The following GLIS3 variants were observed in gnomAD, a reference collection of about 807,000 sequenced individuals.
GLIS3 encodes GLIS family zinc finger 3, also known as zinc finger protein GLIS3.
Under a neutral mutation model 78.6 loss-of-function variants are expected in GLIS3, and 53 were observed. The observed-to-expected ratio is 0.67, with a 90% CI of 0.54 to 0.85. The LOEUF is 0.85. Among genes scored for constraint, GLIS3 ranks in the 40% least tolerant of loss-of-function variants. The pLI is 0.00. For missense variants in GLIS3, 1,703 were observed against 1,231.1 expected (o/e 1.38, Z -5.74); for synonymous variants, 684 against 509.9 (o/e 1.34, Z -4.60).
chr9:3,859,859 C>CTTA (rs1820066109), intron 8 of GLIS3, among the ~76,000 whole-genome samples: 2 of 152,246 alleles, frequency 1.3e-5, no homozygotes, highest in African/African-American at 4.8e-5. Context: ...AAAAGCTAAC[C>CTTA]AGATAACTGA....
chr9:4,282,286 T>C, intron 2 of GLIS3, among the ~76,000 whole-genome samples: 1 of 152,236 alleles, frequency 6.6e-6, no homozygotes, highest in African/African-American at 2.4e-5. Context: ...ACTGGGCCAC[T>C]TGGTGCCCCA....
At chr9:4,075,573 C>T (rs575868509) in intron 4 of GLIS3, among the ~76,000 whole-genome samples, 3 of 152,158 alleles carry the variant, frequency 2.0e-5, no homozygotes, top group Admixed American at 2.0e-4. Flanking sequence ...GAGACTCCGT[C>T]TCAAAACAAA....
intron 2 of GLIS3, among the ~76,000 whole-genome samples, chr9:4,241,350 C>G (rs1823292276): frequency 6.6e-6 from 1 of 152,104 alleles, no homozygotes; most frequent in African/African-American, 2.4e-5. Context: ...TTAATGAGTA[C>G]AGATATACAG....
intron 1 of GLIS3, among the ~76,000 whole-genome samples, chr9:4,347,884 G>C (rs554634911): frequency 1.3e-4 from 20 of 152,220 alleles, no homozygotes; most frequent in African/African-American, 4.8e-4. Flanking sequence ...AGCCATTCTA[G>C]TAAAGGGAAC....
At chr9:4,144,657 G>GA (rs1834072644) in intron 2 of GLIS3, among the ~76,000 whole-genome samples, 1 of 152,102 alleles carries the variant, frequency 6.6e-6, no homozygotes, top group South Asian at 2.1e-4. Flanking sequence ...TCTCTAGATG[G>GA]AAAAAGAGAA....
the GLIS3 span, among the ~76,000 whole-genome samples, chr9:4,366,505 T>C: frequency 6.6e-6 from 1 of 152,220 alleles, no homozygotes; most frequent in African/African-American, 2.4e-5. Flanking sequence ...ATAAAGACAC[T>C]GCCTCTCTGT....
chr9:3,976,639 G>C (rs1365921751), intron 4 of GLIS3, among the ~76,000 whole-genome samples: 1 of 150,578 alleles, frequency 6.6e-6, no homozygotes, highest in Non-Finnish European at 1.5e-5. Context: ...TCTCAATCAG[G>C]CCCAAGAGTA....
chr9:4,297,951 G>A (rs1428795475), intron 1 of GLIS3, among the ~76,000 whole-genome samples: 1 of 152,108 alleles, frequency 6.6e-6, no homozygotes, highest in African/African-American at 2.4e-5. Context: ...GGGCGGGTCC[G>A]GAGGCGGAGG....
upstream of GLIS3, among the ~76,000 whole-genome samples, chr9:4,348,883 C>T (rs1252381569): frequency 1.3e-5 from 2 of 152,196 alleles, no homozygotes; most frequent in African/African-American, 2.4e-5. Flanking sequence ...TGTCTATTGG[C>T]TTTGTAGAGT....
At chr9:4,333,125 T>C (rs573127524) in intron 2 of GLIS3, among the ~76,000 whole-genome samples, 6 of 152,262 alleles carry the variant, frequency 3.9e-5, no homozygotes, top group East Asian at 1.9e-4. Flanking sequence ...TGCACTCTTA[T>C]AGTCCTAGCT....
chr9:4,471,814 C>T, the GLIS3 span, among the ~76,000 whole-genome samples: 1 of 152,174 alleles, frequency 6.6e-6, no homozygotes, highest in Non-Finnish European at 1.5e-5. Context: ...TCAGAGTGAA[C>T]AGGCAACCTA....
chr9:4,393,848 C>A, the GLIS3 span, among the ~76,000 whole-genome samples: 1 of 152,042 alleles, frequency 6.6e-6, no homozygotes, highest in Non-Finnish European at 1.5e-5. Flanking sequence ...CGTTGTTAAA[C>A]ATGTAAGAAG....
At chr9:4,073,689 C>A (rs1016090320) in intron 4 of GLIS3, among the ~76,000 whole-genome samples, 1 of 152,212 alleles carries the variant, frequency 6.6e-6, no homozygotes, top group African/African-American at 2.4e-5. Context: ...ATACCACCTA[C>A]GCGGCAGTCG....
exon 4 of GLIS3, chr9:4,308,860 T>G (rs1817292572): frequency 6.6e-6 from 1 of 152,230 alleles, no homozygotes; most frequent in South Asian, 2.1e-4. Flanking sequence ...GAGACAATTT[T>G]AGAACCCAGA....
chr9:3,953,231 G>C (rs1465624947), intron 4 of GLIS3, among the ~76,000 whole-genome samples: 1 of 151,922 alleles, frequency 6.6e-6, no homozygotes, highest in East Asian at 1.9e-4. Context: ...TTTTCCATAG[G>C]GTATTCTTTT....
intron 2 of GLIS3, among the ~76,000 whole-genome samples, chr9:4,171,160 G>A (rs1028403271): frequency 2.0e-5 from 3 of 152,086 alleles, no homozygotes; most frequent in African/African-American, 7.2e-5. Flanking sequence ...CATCATTAAA[G>A]GGCTATTACA....
the GLIS3 span, among the ~76,000 whole-genome samples, chr9:4,381,235 T>C: frequency 1.3e-5 from 2 of 152,210 alleles, no homozygotes; most frequent in Admixed American, 6.5e-5. Flanking sequence ...TGAAAATATC[T>C]TTAAAAAGTA....
intron 2 of GLIS3, among the ~76,000 whole-genome samples, chr9:4,157,697 G>A (rs543832165): frequency 2.0e-5 from 3 of 152,008 alleles, no homozygotes; most frequent in African/African-American, 7.3e-5. Context: ...TCCTCCTTTA[G>A]TGCATGCATT....
intron 4 of GLIS3, chr9:4,034,843 G>A (rs1824172551): frequency 2.6e-5 from 4 of 152,182 alleles, no homozygotes; most frequent in Admixed American, 2.6e-4. Flanking sequence ...TGGTGTCTTA[G>A]AATGACCTTC....
Sources: allele counts gnomAD v4.1 joint callset (sites outside exome capture counted in the v4.1 genomes callset), GRCh38; gene constraint gnomAD v4.1.1; transcripts MANE v1.5; gene names NCBI Gene and HGNC (gene_info 2026-07-23, HGNC 2026-07-21).